HNMT: variants seen among roughly 807,000 people sequenced by gnomAD.
HNMT encodes the protein histamine N-methyltransferase.
A neutral mutation model predicts 32.1 loss-of-function variants in HNMT; 30 were observed. The ratio of observed to expected loss-of-function variants is 0.93; its 90% CI spans 0.70 to 1.27. The LOEUF (loss-of-function observed/expected upper bound fraction) is 1.27. HNMT is among the 50% of genes most tolerant of loss of function. The probability of loss-of-function intolerance (pLI) is 0.00; values close to 1 mark genes in which losing one functional copy is unlikely to be tolerated. For missense variants in HNMT, 327 were observed against 346.0 expected, an observed-to-expected ratio of 0.95 and a Z score of 0.43; for synonymous variants, 125 against 119.0, an observed-to-expected ratio of 1.05 and a Z score of -0.33.
chr2:137,966,098 G>A (rs1679949685), intron 1 of HNMT, among the ~76,000 whole-genome samples: 1 of 152,154 alleles, frequency 6.6e-6, no homozygotes, highest in African/African-American at 2.4e-5. Context: ...ACTTAGAGTT[G>A]TCTATAAGTT....
chr2:137,969,764 TA>T (rs1024266436), intron 1 of HNMT, among the ~76,000 whole-genome samples: 11 of 152,038 alleles, frequency 7.2e-5, no homozygotes, highest in African/African-American at 2.7e-4. Flanking sequence ...AAAGGAAGGT[TA>T]AAAAAAGGGG....
At chr2:137,966,581 C>T (rs923555099) in intron 1 of HNMT, among the ~76,000 whole-genome samples, 2 of 152,144 alleles carry the variant, frequency 1.3e-5, no homozygotes, top group South Asian at 2.1e-4. Context: ...TTTCCTTTTA[C>T]GTACAACTTT....
intron 2 of HNMT, among the ~76,000 whole-genome samples, chr2:137,982,292 G>A (rs1431475726): frequency 6.6e-6 from 1 of 152,152 alleles, no homozygotes; most frequent in African/African-American, 2.4e-5. Context: ...ATGAGACACT[G>A]CTTTTCTTTG....
chr2:138,002,871 C>A, intron 4 of HNMT: 1 of 644,170 alleles, frequency 1.6e-6, no homozygotes. Context: ...CTGTAGTGGA[C>A]ATATGGTCGA....
At position 137,998,077 on chromosome 2, in the gene HNMT, A is replaced by G. The variant is rs78670563; in HGVS notation, c.191-2841A>G. Among the ~76,000 whole-genome samples, 223 of 152,192 alleles carry G rather than the reference A, an allele frequency of 1.5e-3. 2 individuals are homozygous for G. In the East Asian group the frequency reaches 0.039, roughly 26 times the overall value. On this transcript the variant is annotated intron_variant, in intron 2 of 5. Coordinates refer to ENST00000280097, the MANE Select transcript of HNMT (RefSeq NM_006895.3). ...AGGTCAATAGGTGCAGCAAACCACCATGGTGCATGTATACCTATGTAACAA... is the reference window on the plus strand; with the variant it reads ...AGGTCAATAGGTGCAGCAAACCACCGTGGTGCATGTATACCTATGTAACAA...
chr2:138,011,441 C>G (rs1053054359), intron 5 of HNMT, among the ~76,000 whole-genome samples: 14 of 152,030 alleles, frequency 9.2e-5, no homozygotes, highest in African/African-American at 3.4e-4. Flanking sequence ...CTGCAGTTAC[C>G]TCTCCCTCTT....
rs766201149 is a variant in HNMT, at chr2:138,002,077, G to T, written c.312G>T (p.Lys104Asn). 14 of 1,585,946 alleles carry T rather than the reference G, an allele frequency of 8.8e-6. No homozygotes were observed. The East Asian group carries it at 3.2e-4, about 36-fold the overall frequency. ...TCTGTATTTTAGAGCTTGTAGCCAA[G>T]ACATCGAACCTCGAGAACGTAAAGT... ...QIAKYKELVA[K>N]TSNLENVKFA... Residue 104 changes from lysine (K) to asparagine (N), a missense_variant, in exon 4 of 6, where the codon AAG becomes AAT. By Grantham distance (94) the Lys-to-Asn change is moderately conservative (BLOSUM62 0). Coordinates refer to ENST00000280097, the MANE Select transcript of HNMT (RefSeq NM_006895.3).
intron 1 of HNMT, chr2:137,967,336 G>A (rs1679990905): frequency 5.8e-6 from 3 of 516,482 alleles, no homozygotes; most frequent in East Asian, 3.1e-5. Context: ...CCGAGAGATC[G>A]AGGCTTCAGT....
rs1204740262 is a variant in HNMT, at chr2:137,981,362, A to G, written c.190+11145A>G. ...ATTTGGAGCTGCCCGTTTAGAAAGC[A>G]AATCTGCATTTCCCTCATTCCTAGT... On this transcript the variant is annotated intron_variant, in intron 2 of 5. Transcript: ENST00000280097. 5 of 1,612,676 alleles carry G rather than the reference A, an allele frequency of 3.1e-6. No individual in the cohort carries two copies. The South Asian group carries it at 5.5e-5, about 18-fold the overall frequency.
At chr2:137,973,174 A>G (rs972275741) in intron 2 of HNMT, among the ~76,000 whole-genome samples, 1 of 152,186 alleles carries the variant, frequency 6.6e-6, no homozygotes, top group Non-Finnish European at 1.5e-5. Context: ...GTTATATGAA[A>G]TCAAAAGCAA....
chr2:138,008,042 G>A (rs1681380109), intron 5 of HNMT, among the ~76,000 whole-genome samples: 1 of 151,798 alleles, frequency 6.6e-6, no homozygotes, highest in Non-Finnish European at 1.5e-5. Flanking sequence ...TTGTCACATA[G>A]GTAAACGTGT....
intron 2 of HNMT, among the ~76,000 whole-genome samples, chr2:137,990,010 CT>C (rs970048506): frequency 6.6e-6 from 1 of 152,064 alleles, no homozygotes; most frequent in Non-Finnish European, 1.5e-5. Flanking sequence ...CAGATATGCT[CT>C]TTTCAATTAT....
chr2:137,967,104 A>C (rs1185456364), intron 1 of HNMT: 2 of 780,446 alleles, frequency 2.6e-6, no homozygotes, highest in East Asian at 4.8e-5. Context: ...TAGATACCAG[A>C]ATTGCTGTTA....
intron 5 of HNMT, among the ~76,000 whole-genome samples, chr2:138,007,590 GA>G (rs1157459783): frequency 6.6e-6 from 1 of 151,894 alleles, no homozygotes. Flanking sequence ...CTTTACTCCT[GA>G]GGGTTCCTGG....
At chr2:137,994,678 C>T (rs1467518143) in intron 2 of HNMT, among the ~76,000 whole-genome samples, 1 of 152,200 alleles carries the variant, frequency 6.6e-6, no homozygotes, top group Non-Finnish European at 1.5e-5. Flanking sequence ...ACCTAGTAGA[C>T]ATCTACAAAC....
chr2:138,005,189 G>A lies in HNMT; in HGVS notation c.487G>A (p.Gly163Ser), dbSNP rs761154931. ...ATLKFFHSLL[G>S]TNAKMLIIVV... ...CCTGAAATTCTTCCATAGTCTCTTA[G>A]GTACCAATGCTAAGATGCTCATTAT... is the stretch of plus-strand genomic sequence containing the variant. Residue 163 changes from glycine (G) to serine (S), a missense_variant, in exon 5 of 6, where the codon GGT becomes AGT. Coordinates refer to ENST00000280097, the MANE Select transcript of HNMT (RefSeq NM_006895.3). 2 of 1,603,470 alleles carry A rather than the reference G, an allele frequency of 1.2e-6. No homozygotes were observed. The highest frequency in any genetic ancestry group is 2.2e-5 in the South Asian group (2 of 90,766).
chr2:137,970,302 C>CT (rs370017729), intron 2 of HNMT, 85 bp downstream of exon 2: 9,432 of 600,548 alleles, frequency 0.016, no homozygotes, highest in South Asian at 0.021. Context: ...TTTAGGAAGA[C>CT]TTTTTTTTTT....
chr2:138,006,576 A>G (rs1258436746), intron 5 of HNMT, among the ~76,000 whole-genome samples: 3 of 152,028 alleles, frequency 2.0e-5, no homozygotes, highest in Non-Finnish European at 4.4e-5. Flanking sequence ...AATAGTCCAC[A>G]AGTAACTGAG....
At chr2:137,967,523 T>C (rs1216709993) in intron 1 of HNMT, 4 of 161,402 alleles carry the variant, frequency 2.5e-5, no homozygotes, top group African/African-American at 9.6e-5. Context: ...TCTTCTTACG[T>C]CTAGTATTCT....
Sources: gnomAD v4.1 joint callset for allele counts (sites outside exome capture counted in the v4.1 genomes callset) on GRCh38, gnomAD v4.1.1 for gene constraint, MANE v1.5 for transcripts, NCBI Gene and HGNC (gene_info 2026-07-23, HGNC 2026-07-21) for gene names.